The following C10orf67 variants were observed in gnomAD, a reference collection of about 807,000 sequenced individuals.
The protein encoded by C10orf67 is uncharacterized protein C10orf67, mitochondrial.
C10orf67 carries 60 observed loss-of-function variants against 35.6 expected under a neutral mutation model. The ratio of observed to expected loss-of-function variants is 1.68; its 90% CI spans 1.37 to 2.09. The LOEUF (loss-of-function observed/expected upper bound fraction) is 2.09. C10orf67 is among the 30% of genes most tolerant of loss of function. The probability of loss-of-function intolerance (pLI) is 0.00; values close to 1 mark genes in which losing one functional copy is unlikely to be tolerated. For missense variants in C10orf67, 474 were observed against 330.2 expected, an observed-to-expected ratio of 1.44 and a Z score of -3.38; for synonymous variants, 167 against 115.8, an observed-to-expected ratio of 1.44 and a Z score of -2.84.
At chr10:23,285,619 G>T (rs79092257) in intron 7 of C10orf67, among the ~76,000 whole-genome samples, 1 of 152,114 alleles carries the variant, frequency 6.6e-6, no homozygotes, top group Non-Finnish European at 1.5e-5. Context: ...GAAATCTAGT[G>T]TGTATTTTTC....
chr10:23,252,074 G>A (rs985392343), intron 10 of C10orf67, among the ~76,000 whole-genome samples: 1 of 151,982 alleles, frequency 6.6e-6, no homozygotes, highest in African/African-American at 2.4e-5. Flanking sequence ...CATTATATCT[G>A]TTTTGCTTTC....
chr10:23,230,754 T>C (rs145730026), intron 13 of C10orf67, among the ~76,000 whole-genome samples: 1 of 142,856 alleles, frequency 7.0e-6, no homozygotes, highest in Non-Finnish European at 1.5e-5. Context: ...AACACACACA[T>C]ACACGTAAAC....
chr10:23,269,052 C>G (rs1459809628), intron 8 of C10orf67, among the ~76,000 whole-genome samples: 1 of 152,154 alleles, frequency 6.6e-6, no homozygotes, highest in Non-Finnish European at 1.5e-5. Context: ...AAATCATTTT[C>G]TTCATACTAC....
chr10:23,215,438 C>T (rs1351722458), intron 15 of C10orf67, among the ~76,000 whole-genome samples: 13 of 152,032 alleles, frequency 8.6e-5, no homozygotes, highest in Admixed American at 6.5e-4. Flanking sequence ...GGATTACAGG[C>T]GTGCACCACC....
At chr10:23,237,721 G>C (rs1842084395) in intron 13 of C10orf67, among the ~76,000 whole-genome samples, 1 of 152,140 alleles carries the variant, frequency 6.6e-6, no homozygotes, top group Non-Finnish European at 1.5e-5. Flanking sequence ...ATAAATTTAA[G>C]AACAGGCAAA....
intron 15 of C10orf67, among the ~76,000 whole-genome samples, chr10:23,222,785 C>A (rs1296882461): frequency 6.6e-6 from 1 of 152,098 alleles, no homozygotes; most frequent in Non-Finnish European, 1.5e-5. Context: ...AAAAACCAAC[C>A]AATCAACCAA....
intron 10 of C10orf67, 32 bp from the exon 11 acceptor site, chr10:23,250,723 T>G (rs1036407275): frequency 2.0e-5 from 8 of 398,342 alleles, no homozygotes; most frequent in Admixed American, 1.3e-4. Context: ...CAAAGTTAAT[T>G]ACACAAACAA....
rs562128072 is a variant in C10orf67 at position 23,329,566 on chromosome 10, GAAC to G, written c.327+3493_327+3495del. Among the ~76,000 whole-genome samples the G allele has an allele frequency of 1.2e-4, 18 of 152,038 alleles. 1 individual carries two copies. The South Asian group carries it at 3.7e-3, about 32-fold the overall frequency. On this transcript the variant is annotated intron_variant, in intron 2 of 15. Transcript: ENST00000636213. ...ATACTGTGATCTTGGTACCAAGATTGAACAACAATAGTGTAAGAAAAGAGTATT... is the reference window on the plus strand; with the variant it reads ...ATACTGTGATCTTGGTACCAAGATTGAACAATAGTGTAAGAAAAGAGTATT...
At chr10:23,217,369 G>T (rs1436047940) in intron 15 of C10orf67, among the ~76,000 whole-genome samples, 1 of 152,124 alleles carries the variant, frequency 6.6e-6, no homozygotes, top group East Asian at 1.9e-4. Flanking sequence ...GTCAAACTCA[G>T]TTAAGGGTAC....
At chr10:23,258,435 G>T in intron 10 of C10orf67, 1 of 170,418 alleles carries the variant, frequency 5.9e-6, no homozygotes, top group South Asian at 1.7e-4. Flanking sequence ...CAGCAAAGTG[G>T]GGACAGACTA....
At chr10:23,214,047 A>C (rs1287157259) in intron 15 of C10orf67, among the ~76,000 whole-genome samples, 1 of 152,138 alleles carries the variant, frequency 6.6e-6, no homozygotes, top group African/African-American at 2.4e-5. Context: ...TTATAATGTT[A>C]TTGATATAAG....
intron 6 of C10orf67, among the ~76,000 whole-genome samples, chr10:23,290,180 G>A (rs546100777): frequency 6.6e-6 from 1 of 152,318 alleles, no homozygotes; most frequent in East Asian, 1.9e-4. Flanking sequence ...CAAGATCCAA[G>A]TGTGGCTGAG....
At chr10:23,339,647 A>C (rs189828592) in intron 1 of C10orf67, among the ~76,000 whole-genome samples, 63 of 152,272 alleles carry the variant, frequency 4.1e-4, no homozygotes, top group African/African-American at 1.5e-3. Flanking sequence ...CGGGTCTTCT[A>C]ACTCCTTAGT....
chr10:23,208,265 T>C (rs563387148), intron 15 of C10orf67, among the ~76,000 whole-genome samples: 2 of 152,344 alleles, frequency 1.3e-5, no homozygotes, highest in East Asian at 3.9e-4. Context: ...GAAATGCTGT[T>C]ATCACACAGT....
At chr10:23,317,999 G>A (rs1844794600) in intron 4 of C10orf67, 2 of 150,582 alleles carry the variant, frequency 1.3e-5, no homozygotes, top group Non-Finnish European at 2.9e-5. Flanking sequence ...CTACTCAGGA[G>A]GCTGAGGCCA....
At position 23,203,518 on chromosome 10, in the gene C10orf67, T is replaced by A. The variant is rs969260890; in HGVS notation, c.*655A>T. 1 of 152,190 alleles carries A rather than the reference T, an allele frequency of 6.6e-6. No individual in the cohort carries two copies. Among genetic ancestry groups the A allele is most frequent in the African/African-American group, 2.4e-5 (1 of 41,454 alleles). The allele number at this position is 152,190 out of a possible 1,614,324, so 9.4% of individuals were successfully genotyped here. A position where few individuals can be genotyped will look rare whatever the true frequency, so the allele number is the denominator to read the frequency against. On this transcript the variant is annotated 3_prime_UTR_variant, in exon 16 of 16. Coordinates refer to ENST00000636213, the MANE Select transcript of C10orf67 (RefSeq NM_001371909.1). ...GAATAGAAAGAACCAAGTTGGACAT[T>A]ACGCATGGAAGAAAAGCAAACCCGC...
chr10:23,247,128 A>ATTT (rs909251894), intron 12 of C10orf67, among the ~76,000 whole-genome samples: 191 of 150,236 alleles, frequency 1.3e-3, no homozygotes, highest in African/African-American at 4.5e-3. Flanking sequence ...TGAAAAAAAT[A>ATTT]TTTTTTTTTT....
chr10:23,286,956 T>C (rs1843560167), intron 7 of C10orf67, among the ~76,000 whole-genome samples: 1 of 151,998 alleles, frequency 6.6e-6, no homozygotes, highest in African/African-American at 2.4e-5. Flanking sequence ...TGAGAATATC[T>C]TGAATGAGGA....
intron 13 of C10orf67, among the ~76,000 whole-genome samples, chr10:23,237,216 G>A (rs565507449): frequency 3.9e-5 from 6 of 152,206 alleles, no homozygotes; most frequent in South Asian, 2.1e-4. Flanking sequence ...ACATGATCTC[G>A]TTCTTTTTTT....
Sources: gnomAD v4.1 joint callset for allele counts (sites outside exome capture counted in the v4.1 genomes callset) on GRCh38, gnomAD v4.1.1 for gene constraint, MANE v1.5 for transcripts, NCBI Gene and HGNC (gene_info 2026-07-23, HGNC 2026-07-21) for gene names.